The following ALDH3A2 variants were observed in gnomAD, a reference collection of about 807,000 sequenced individuals.
ALDH3A2 encodes the protein aldehyde dehydrogenase family 3 member A2.
ALDH3A2 carries 36 observed loss-of-function variants against 51.3 expected under a neutral mutation model. That is an observed-to-expected ratio of 0.70 (90% CI 0.54 to 0.93). The LOEUF (loss-of-function observed/expected upper bound fraction) is 0.93, where lower values mean the gene tolerates loss of function less well. Ranked by LOEUF, ALDH3A2 falls within the 40% of genes least tolerant of loss-of-function variation. ALDH3A2 has a pLI of 0.00. For synonymous variants in ALDH3A2, 199 were observed against 219.8 expected (o/e 0.91, Z 0.84); for missense variants, 552 against 603.1 (o/e 0.92, Z 0.89).
rs886518074 is a variant in ALDH3A2 at position 19,648,865 on chromosome 17, C to T, written c.-107C>T. On this transcript the variant is annotated 5_prime_UTR_variant, in exon 1 of 10. Transcript: ENST00000176643. Reference sequence around the variant, plus strand: ...GGCTGTGGGTTGACGGTGGAGACACCCCCCGGAGGGAGGCGGAGGGAAGGG... The same window carrying T: ...GGCTGTGGGTTGACGGTGGAGACACTCCCCGGAGGGAGGCGGAGGGAAGGG... 7.0e-7 allele frequency: 1 copy of T among 1,433,562 alleles called. No homozygotes were observed. Among genetic ancestry groups the T allele is most frequent in the African/African-American group, 1.4e-5 (1 of 70,924 alleles). 88.8% of individuals were successfully genotyped at this position (1,433,562 alleles called of 1,614,324 possible).
Position 19,656,408 on chromosome 17 carries a change from G to A in ALDH3A2, c.514G>A (p.Glu172Lys). 1 of 1,614,142 alleles carries A rather than the reference G, an allele frequency of 6.2e-7. No individual in the cohort carries two copies. The highest frequency in any genetic ancestry group is 8.5e-7 in the Non-Finnish European group (1 of 1,180,012). ...VINGGVEETT[E>K]LLKQRFDHIF... is the part of the protein sequence containing the mutation. ...TAATGGTGGTGTTGAGGAAACCACG[G>A]AGCTCCTGAAGCAGCGATTTGACCA... is the stretch of plus-strand genomic sequence containing the variant. The change falls in exon 4 of 10, where the codon GAG (glutamate) becomes AAG (lysine). Residue 172 changes from glutamate (E) to lysine (K), a missense_variant. Coordinates refer to ENST00000176643, the MANE Select transcript of ALDH3A2 (RefSeq NM_000382.3).
At chr17:19,673,835 T>A (rs2085154041) in intron 9 of ALDH3A2, among the ~76,000 whole-genome samples, 1 of 152,242 alleles carries the variant, frequency 6.6e-6, no homozygotes, top group Admixed American at 6.5e-5. Flanking sequence ...AAGGGTGAAG[T>A]GACTTGCTAG....
chr17:19,674,447 C>G (rs2085161828), intron 9 of ALDH3A2: 1 of 152,118 alleles, frequency 6.6e-6, no homozygotes, highest in Non-Finnish European at 1.5e-5. Context: ...CTGTGAGGGT[C>G]TAGAGAAGCA....
At chr17:19,675,416 T>C (rs749097635) in intron 9 of ALDH3A2, 142 bp from the exon 10 acceptor site, 10 of 850,064 alleles carry the variant, frequency 1.2e-5, no homozygotes, top group Non-Finnish European at 2.0e-5. Flanking sequence ...TAGGGATATG[T>C]AGTCCTTTTT....
chr17:19,671,822 A>T lies in ALDH3A2; in HGVS notation c.1309A>T (p.Lys437Ter), dbSNP rs1567607328. 6.2e-7 allele frequency: 1 copy of T among 1,614,224 alleles called. No homozygotes were observed. Reference protein sequence around the residue: ...LKSLKREGANKLRYPPNSQSK... With the variant: ...LKSLKREGAN The stretch of plus-strand genomic sequence containing the variant: ...AAGTTTAAAGAGAGAAGGTGCTAAC[A>T]AACTCAGATATCCTCCCAACAGCCA... The change falls in exon 9 of 10, where the codon AAA (lysine) becomes TAA (stop). Residue 437 changes from lysine to a stop codon, truncating the protein, a stop_gained. Coordinates refer to ENST00000176643, the MANE Select transcript of ALDH3A2 (RefSeq NM_000382.3). LOFTEE classifies it high-confidence loss of function.
At chr17:19,658,869 C>G (rs116432422) in intron 5 of ALDH3A2, among the ~76,000 whole-genome samples, 1 of 152,002 alleles carries the variant, frequency 6.6e-6, no homozygotes, top group Non-Finnish European at 1.5e-5. Flanking sequence ...ACTGTTTACT[C>G]GACAGATGTT....
At chr17:19,655,199 C>G (rs1160465162) in intron 3 of ALDH3A2, 1 of 152,168 alleles carries the variant, frequency 6.6e-6, no homozygotes, top group Non-Finnish European at 1.5e-5. Context: ...TTAAAAATAT[C>G]TTACCTGTAT....
At chr17:19,650,117 G>C (rs2084794867) in intron 1 of ALDH3A2, among the ~76,000 whole-genome samples, 1 of 152,002 alleles carries the variant, frequency 6.6e-6, no homozygotes, top group Non-Finnish European at 1.5e-5. Context: ...TCACCATGTT[G>C]ACCAAGCTGG....
intron 6 of ALDH3A2, among the ~76,000 whole-genome samples, chr17:19,662,833 TC>T (rs1180358136): frequency 6.6e-6 from 1 of 151,994 alleles, no homozygotes; most frequent in Non-Finnish European, 1.5e-5. Flanking sequence ...TGGAGAAACC[TC>T]ATCTCTACTA....
At chr17:19,655,709 T>G (rs1004018420) in intron 3 of ALDH3A2, among the ~76,000 whole-genome samples, 2 of 152,206 alleles carry the variant, frequency 1.3e-5, no homozygotes, top group African/African-American at 4.8e-5. Context: ...GCTGTTATTG[T>G]CCAAGATGTT....
intron 1 of ALDH3A2, chr17:19,650,069 A>G (rs8073053): frequency 0.8 from 120,871 of 152,020 alleles, 48,472 homozygotes; most frequent in African/African-American, 0.91. Context: ...GCGCCACCAC[A>G]CCCGGCTCAT....
intron 3 of ALDH3A2, chr17:19,656,059 C>T (rs2084891124): frequency 5.0e-6 from 2 of 400,762 alleles, no homozygotes; most frequent in East Asian, 5.8e-5. Flanking sequence ...CACACACCCG[C>T]GTCTCATGCA....
In ALDH3A2 at chr17:19,657,214, C is replaced by G. The variant is rs574591742; in HGVS notation, c.681-531C>G. ...AATCCATTTGTCAAAACCAGACACC[C>G]TCAGTTAGTGAATGTTTAGGGCATG... is the stretch of plus-strand genomic sequence containing the variant. On this transcript the variant is annotated intron_variant, in intron 4 of 9. Transcript: ENST00000176643. Among the ~76,000 whole-genome samples the G allele has an allele frequency of 3.9e-5, 6 of 152,332 alleles. No individual in the cohort carries two copies. The East Asian group carries it at 9.6e-4, about 24-fold the overall frequency.
rs183959860 is a variant in ALDH3A2, at chr17:19,661,502, T to G, written c.940+234T>G. 435 of 506,896 alleles carry G rather than the reference T, an allele frequency of 8.6e-4. 1 individual carries two copies. The highest frequency in any genetic ancestry group is 7.6e-3 in the African/African-American group (392 of 51,870). 31.4% of individuals were successfully genotyped at this position (506,896 alleles called of 1,614,324 possible). On this transcript the variant is annotated intron_variant, in intron 6 of 9. Coordinates refer to ENST00000176643, the MANE Select transcript of ALDH3A2 (RefSeq NM_000382.3). ...TGCTCCAGTTGTTCATATTTACACA[T>G]AACTCCTTTTTTCCTCCTAACAATC... is the stretch of plus-strand genomic sequence containing the variant.
In ALDH3A2 at chr17:19,656,517, T is replaced by C. The variant is rs786205501; in HGVS notation, c.623T>C (p.Leu208Pro). The C allele has an allele frequency of 3.7e-6, 6 of 1,614,054 alleles. No homozygotes were observed. The highest frequency in any genetic ancestry group is 5.1e-6 in the Non-Finnish European group (6 of 1,180,032). ...AKHLTPVTLE[L>P]GGKSPCYIDK... ...CATCTGACCCCTGTGACTCTTGAAC[T>C]GGGAGGGAAAAGTCCATGTTATATT... Residue 208 changes from leucine to proline, a missense_variant, in exon 4 of 10, where the codon CTG becomes CCG. Coordinates refer to ENST00000176643, the MANE Select transcript of ALDH3A2 (RefSeq NM_000382.3).
At chr17:19,651,055 A>G (rs116659717) in intron 1 of ALDH3A2, among the ~76,000 whole-genome samples, 3,418 of 152,354 alleles carry the variant, frequency 0.022, 68 homozygotes, top group African/African-American at 0.051. Flanking sequence ...AAGAAATACA[A>G]TAAGTTCCCT....
At chr17:19,664,859 A>G in intron 7 of ALDH3A2, 89 bp from the exon 8 acceptor site, 1 of 901,308 alleles carries the variant, frequency 1.1e-6, no homozygotes, top group Non-Finnish European at 1.8e-6. Context: ...TGAGCACATA[A>G]CTGAGCACAC....
chr17:19,649,092 A>G lies in ALDH3A2; in HGVS notation c.121A>G (p.Ile41Val), dbSNP rs1184485725. 4 of 1,581,696 alleles carry G rather than the reference A, an allele frequency of 2.5e-6. No homozygotes were observed. The African/African-American group carries it at 5.4e-5, about 21-fold the overall frequency. Residue 41 changes from isoleucine to valine, a missense_variant, in exon 1 of 10, where the codon ATC (isoleucine) becomes GTC (valine). Transcript: ENST00000176643. ...RRMVQEREKD[I>V]LTAIAADLCK... ...GATGGTGCAGGAGCGCGAGAAGGAT[A>G]TCCTGACGGCCATCGCCGCCGACCT...
At chr17:19,669,811 T>A (rs191087590) in intron 8 of ALDH3A2, among the ~76,000 whole-genome samples, 3,366 of 152,110 alleles carry the variant, frequency 0.022, 65 homozygotes, top group African/African-American at 0.05. Context: ...ATTAAAAAAA[T>A]TTTTTTTGTA....
Sources: allele counts gnomAD v4.1 joint callset (sites outside exome capture counted in the v4.1 genomes callset), GRCh38; gene constraint gnomAD v4.1.1; transcripts MANE v1.5; gene names NCBI Gene and HGNC (gene_info 2026-07-23, HGNC 2026-07-21).